The following SLC4A8 variants were observed in gnomAD, a reference collection of about 807,000 sequenced individuals.
SLC4A8 encodes electroneutral sodium bicarbonate exchanger 1.
Under a neutral mutation model 125.0 loss-of-function variants are expected in SLC4A8, and 40 were observed. The observed-to-expected ratio is 0.32, with a 90% CI of 0.25 to 0.42. The LOEUF (loss-of-function observed/expected upper bound fraction) is 0.42, where lower values mean the gene tolerates loss of function less well. SLC4A8 is among the 10% of genes least tolerant of loss of function. The pLI, the probability that SLC4A8 is intolerant of heterozygous loss-of-function variation, is 1.00. For missense variants in SLC4A8, 863 were observed against 1,355.1 expected (o/e 0.64, Z 5.70); for synonymous variants, 456 against 476.0 (o/e 0.96, Z 0.55).
rs144706561 is a variant in SLC4A8 at position 51,446,241 on chromosome 12, C to T, written c.131-4635C>T. Among the ~76,000 whole-genome samples the T allele has an allele frequency of 3.8e-3, 583 of 152,266 alleles. 7 individuals carry two copies. The highest frequency in any genetic ancestry group is 0.018 in the South Asian group (85 of 4,826). ...TGTTAAAAATGACCTGAGATATACA[C>T]GAGGCAACAGAGAACTCTCCTGAGA... On this transcript the variant is annotated intron_variant, in intron 2 of 24. Coordinates refer to ENST00000453097, the MANE Select transcript of SLC4A8 (RefSeq NM_001039960.3).
intron 10 of SLC4A8, among the ~76,000 whole-genome samples, chr12:51,463,338 G>A (rs1461169449): frequency 6.6e-6 from 1 of 152,120 alleles, no homozygotes; most frequent in Non-Finnish European, 1.5e-5. Flanking sequence ...TAATGCCAAA[G>A]CCCCATTTTT....
In SLC4A8 at chr12:51,485,778, T is replaced by C. The variant is rs1390874092; in HGVS notation, c.2173-9T>C. On this transcript the variant is annotated splice_polypyrimidine_tract_variant and intron_variant, in intron 16 of 24. Transcript: ENST00000453097. ...GCCAAAACATGTGTCCACTTCTTTC[T>C]CATGCCAGGTACGCTCCATGGTGAG... 1.0e-5 allele frequency: 16 copies of C among 1,537,122 alleles called. No homozygotes were observed. The highest frequency in any genetic ancestry group is 5.6e-5 in the South Asian group (5 of 89,336).
intron 1 of SLC4A8, among the ~76,000 whole-genome samples, chr12:51,405,022 G>C (rs1948460154): frequency 6.6e-6 from 1 of 152,184 alleles, no homozygotes; most frequent in South Asian, 2.1e-4. Flanking sequence ...TGAAAATCCA[G>C]GTCTGGCAGG....
intron 18 of SLC4A8, 71 bp downstream of exon 18, chr12:51,488,931 C>A (rs1951231429): frequency 1.7e-6 from 2 of 1,184,484 alleles, no homozygotes; most frequent in Non-Finnish European, 2.4e-6. Context: ...TTAGGGTAAG[C>A]ACATCTAGAC....
chr12:51,439,193 A>G (rs1949513708), intron 1 of SLC4A8, among the ~76,000 whole-genome samples: 3 of 152,080 alleles, frequency 2.0e-5, no homozygotes, highest in Admixed American at 2.0e-4. Flanking sequence ...AGTAGCTGGC[A>G]CTACAGGCAC....
intron 15 of SLC4A8, chr12:51,474,653 C>T: frequency 1.2e-6 from 1 of 853,878 alleles, no homozygotes; most frequent in Non-Finnish European, 1.7e-6. Context: ...CTCTTTTCTC[C>T]CCCCTACATC....
chr12:51,437,422 T>G (rs1468864850), intron 1 of SLC4A8, among the ~76,000 whole-genome samples: 1 of 152,226 alleles, frequency 6.6e-6, no homozygotes, highest in African/African-American at 2.4e-5. Context: ...AGATGCCTCA[T>G]GAATGTCTTG....
intron 16 of SLC4A8, among the ~76,000 whole-genome samples, chr12:51,482,970 C>G (rs1242578713): frequency 6.6e-6 from 1 of 152,156 alleles, no homozygotes; most frequent in Non-Finnish European, 1.5e-5. Flanking sequence ...TATCTTTGCA[C>G]TTATTTTTCT....
chr12:51,400,771 TATATATACATACATAC>T (rs1162174215), intron 1 of SLC4A8, among the ~76,000 whole-genome samples: 135 of 4,466 alleles, frequency 0.03, 11 homozygotes, highest in East Asian at 0.14. Flanking sequence ...TATATATATA[TATATATACATACATAC>T]ACACACACAC....
chr12:51,425,454 T>G, intron 1 of SLC4A8: 1 of 998,704 alleles, frequency 1.0e-6, no homozygotes. Context: ...TTTCTGGGGG[T>G]TTCTGGTTCC....
At chr12:51,412,753 T>C (rs1948619282) in intron 1 of SLC4A8, among the ~76,000 whole-genome samples, 1 of 152,234 alleles carries the variant, frequency 6.6e-6, no homozygotes, top group African/African-American at 2.4e-5. Context: ...CTGTGAACAA[T>C]AGAAATTCAT....
rs529897735 is a variant in SLC4A8 at position 51,508,732 on chromosome 12, C to T, written c.*1294C>T. Reference sequence around the variant, plus strand: ...GCAATGAATGTAAAGTATTTGGGATCCAGTGCTTATAAACCTTTCCTTCCT... The same window carrying T: ...GCAATGAATGTAAAGTATTTGGGATTCAGTGCTTATAAACCTTTCCTTCCT... On this transcript the variant is annotated 3_prime_UTR_variant, in exon 25 of 25. Transcript: ENST00000453097. The T allele has an allele frequency of 2.6e-5, 4 of 152,348 alleles. No individual in the cohort carries two copies. In the East Asian group the frequency reaches 5.8e-4, roughly 22 times the overall value. 9.4% of individuals were successfully genotyped at this position (152,348 alleles called of 1,614,324 possible).
At chr12:51,418,085 G>A (rs970570107) in intron 1 of SLC4A8, among the ~76,000 whole-genome samples, 4 of 152,234 alleles carry the variant, frequency 2.6e-5, no homozygotes, top group Non-Finnish European at 5.9e-5. Flanking sequence ...AGATAAGAAC[G>A]AGGGAAGAGA....
chr12:51,453,760 A>G, intron 5 of SLC4A8, 61 bp downstream of exon 5: 2 of 1,523,608 alleles, frequency 1.3e-6, no homozygotes, highest in Non-Finnish European at 1.8e-6. Flanking sequence ...TGTGGGAAAA[A>G]AGGAGTGTGG....
intron 11 of SLC4A8, 95 bp from the exon 12 acceptor site, chr12:51,469,519 A>C (rs1329680586): frequency 8.8e-7 from 1 of 1,132,018 alleles, no homozygotes; most frequent in African/African-American, 1.6e-5. Flanking sequence ...TTACCGCTGA[A>C]CAGAGCACAT....
intron 15 of SLC4A8, chr12:51,474,656 C>A (rs557950401): frequency 4.2e-4 from 347 of 835,998 alleles, no homozygotes; most frequent in Non-Finnish European, 5.7e-4. Context: ...TTTTCTCCCC[C>A]CTACATCCTA....
chr12:51,488,632 C>T, intron 17 of SLC4A8, 67 bp from the exon 18 acceptor site: 2 of 1,164,958 alleles, frequency 1.7e-6, no homozygotes, highest in South Asian at 1.9e-5. Context: ...TATTGTGATC[C>T]AGTTTGATAT....
chr12:51,474,155 T>G (rs1950793856), intron 14 of SLC4A8, among the ~76,000 whole-genome samples, 187 bp from the exon 15 acceptor site: 1 of 152,218 alleles, frequency 6.6e-6, no homozygotes, highest in Admixed American at 6.5e-5. Flanking sequence ...TGAGTCAAAC[T>G]TTTGTAATGA....
At chr12:51,504,741 G>A (rs1938090074) in intron 23 of SLC4A8, among the ~76,000 whole-genome samples, 1 of 152,160 alleles carries the variant, frequency 6.6e-6, no homozygotes, top group African/African-American at 2.4e-5. Flanking sequence ...GGGAGCAAGG[G>A]GGAATTGAAC....
Sources: gnomAD v4.1 joint callset for allele counts (sites outside exome capture counted in the v4.1 genomes callset) on GRCh38, gnomAD v4.1.1 for gene constraint, MANE v1.5 for transcripts, NCBI Gene and HGNC (gene_info 2026-07-23, HGNC 2026-07-21) for gene names.